The following TUBGCP3 variants were observed in gnomAD, a reference collection of about 807,000 sequenced individuals.
TUBGCP3 encodes gamma-tubulin complex component 3.
In TUBGCP3, 50 loss-of-function variants were observed where a neutral mutation model predicts 123.1. The observed-to-expected ratio is 0.41, with a 90% confidence interval of 0.32 to 0.51. The LOEUF (loss-of-function observed/expected upper bound fraction) is 0.51, where lower values mean the gene tolerates loss of function less well. TUBGCP3 is among the 20% of genes least tolerant of loss of function. The pLI is 0.36. For synonymous variants in TUBGCP3, 405 were observed against 413.9 expected (o/e 0.98, Z 0.26); for missense variants, 882 against 1,127.0 (o/e 0.78, Z 3.11).
chr13:112,598,984 G>T, the TUBGCP3 span, among the ~76,000 whole-genome samples: 1 of 145,144 alleles, frequency 6.9e-6, no homozygotes, highest in South Asian at 2.2e-4. Context: ...GACAATAAAA[G>T]GTTTCTATAA....
chr13:112,568,133 A>C (rs2139270809), intron 2 of TUBGCP3, among the ~76,000 whole-genome samples: 1 of 151,602 alleles, frequency 6.6e-6, no homozygotes, highest in South Asian at 2.1e-4. Flanking sequence ...AGGTGTTATC[A>C]CTAAGACCCA....
intron 20 of TUBGCP3, among the ~76,000 whole-genome samples, chr13:112,492,562 A>G (rs1231551984): frequency 6.7e-6 from 1 of 149,584 alleles, no homozygotes; most frequent in East Asian, 1.9e-4. Flanking sequence ...TGGCTATGGG[A>G]ACAGGGCCTG....
intron 11 of TUBGCP3, among the ~76,000 whole-genome samples, chr13:112,531,396 C>T (rs1272015366): frequency 1.3e-5 from 2 of 152,228 alleles, no homozygotes; most frequent in African/African-American, 2.4e-5. Flanking sequence ...ATCGACTTAA[C>T]CTAGACTTCA....
intron 13 of TUBGCP3, among the ~76,000 whole-genome samples, chr13:112,523,355 A>G (rs970843976): frequency 6.6e-6 from 1 of 152,232 alleles, no homozygotes; most frequent in Non-Finnish European, 1.5e-5. Context: ...GTTTAAATAT[A>G]CCAGAAGACT....
chr13:112,539,497 A>G (rs1038875032), intron 11 of TUBGCP3, among the ~76,000 whole-genome samples: 1 of 152,270 alleles, frequency 6.6e-6, no homozygotes, highest in Non-Finnish European at 1.5e-5. Context: ...TAGCTCCATC[A>G]ATCACAATGC....
Position 112,519,936 on chromosome 13 carries a change from G to C in TUBGCP3, c.1831C>G (p.Gln611Glu), listed in dbSNP as rs960046101. 4.3e-6 allele frequency: 7 copies of C among 1,614,022 alleles called. No homozygotes were observed. The highest frequency in any genetic ancestry group is 2.7e-5 in the African/African-American group (2 of 75,046). The change falls in exon 15 of 22, where the codon CAG becomes GAG. Residue 611 changes from glutamine to glutamate, a missense_variant. Around this residue, in one of 3 missense-constraint regions of TUBGCP3, gnomAD observed 713 missense variants for 874.0 expected, o/e 0.82. Coordinates refer to ENST00000261965, the MANE Select transcript of TUBGCP3 (RefSeq NM_006322.6). The surrounding 1 kb of genome is among the most constrained non-coding windows in gnomAD (Gnocchi z 6.2). ...LETAVRATNA[Q>E]FDSPEILRRL... ...CGCAGGATCTCAGGACTGTCAAACT[G>C]TGCGTTGGTGGCTCTGACAGCGGTT... is the stretch of plus-strand genomic sequence containing the variant.
chr13:112,547,439 G>A (rs1879106258), intron 10 of TUBGCP3, 181 bp downstream of exon 10: 3 of 1,073,962 alleles, frequency 2.8e-6, no homozygotes, highest in South Asian at 7.4e-5. Flanking sequence ...AAACGGGCAG[G>A]ACACAAAAGC....
intron 8 of TUBGCP3, among the ~76,000 whole-genome samples, chr13:112,551,126 G>A (rs2139195887): frequency 6.6e-6 from 1 of 152,152 alleles, no homozygotes; most frequent in Non-Finnish European, 1.5e-5. Context: ...AACAAAACCT[G>A]CTGAAATAAT....
At chr13:112,585,217 A>G (rs1000239418) in intron 1 of TUBGCP3, among the ~76,000 whole-genome samples, 3 of 152,256 alleles carry the variant, frequency 2.0e-5, no homozygotes, top group African/African-American at 7.2e-5. Context: ...TTAATCAAAT[A>G]TTCTATGGAG....
chr13:112,508,328 A>G lies in TUBGCP3; in HGVS notation c.2087-3614T>C, dbSNP rs988104383. On this transcript the variant is annotated intron_variant, in intron 17 of 21. Coordinates refer to ENST00000261965, the MANE Select transcript of TUBGCP3 (RefSeq NM_006322.6). The surrounding 1 kb of genome is among the most constrained non-coding windows in gnomAD (Gnocchi z 4.2). ...ATATCGGCATCTCAAACAGCCTTCC[A>G]ACAAACAAAGCGTCTAACTTCGTTA... Among the ~76,000 whole-genome samples, 1 of 152,196 alleles carries G rather than the reference A, an allele frequency of 6.6e-6. No homozygotes were observed. Among genetic ancestry groups the G allele is most frequent in the Non-Finnish European group, 1.5e-5 (1 of 68,032 alleles).
At chr13:112,546,420 A>G (rs1294142425) in intron 10 of TUBGCP3, 2 of 152,940 alleles carry the variant, frequency 1.3e-5, no homozygotes, top group African/African-American at 4.8e-5. Context: ...ACTACACAGT[A>G]TGAAGGACTG....
At chr13:112,521,595 T>C (rs749259988) in intron 14 of TUBGCP3, 36 of 911,808 alleles carry the variant, frequency 3.9e-5, no homozygotes, top group South Asian at 1.0e-4. Context: ...AAACAATTGC[T>C]TGGGGAGCAC....
intron 8 of TUBGCP3, among the ~76,000 whole-genome samples, chr13:112,553,321 G>A (rs72656182): frequency 0.16 from 23,916 of 152,166 alleles, 2,111 homozygotes; most frequent in Non-Finnish European, 0.21. Flanking sequence ...CACCAGCTAC[G>A]CTGCCATAAG....
chr13:112,504,731 G>A lies in TUBGCP3; in HGVS notation c.2087-17C>T. The A allele has an allele frequency of 6.2e-7, 1 of 1,606,480 alleles. No individual in the cohort carries two copies. Among genetic ancestry groups the A allele is most frequent in the Non-Finnish European group, 8.5e-7 (1 of 1,173,726 alleles). On this transcript the variant is annotated splice_polypyrimidine_tract_variant and intron_variant, in intron 17 of 21. Transcript: ENST00000261965. ...CGGAGAACTCTGCAAGGGAAGAGTT[G>A]ACGTCAGAGGTGCAATGCAAGTACA...
chr13:112,562,702 C>T (rs1256881253), intron 3 of TUBGCP3, among the ~76,000 whole-genome samples: 1 of 152,172 alleles, frequency 6.6e-6, no homozygotes, highest in African/African-American at 2.4e-5. Flanking sequence ...TGCTTTTAAC[C>T]ACCCGAAATC....
At chr13:112,584,673 C>T (rs1051078808) in intron 1 of TUBGCP3, among the ~76,000 whole-genome samples, 12 of 152,186 alleles carry the variant, frequency 7.9e-5, no homozygotes, top group Admixed American at 7.8e-4. Context: ...GTAGTCATAC[C>T]TGAACATTTA....
Position 112,508,348 on chromosome 13 carries a change from T to C in TUBGCP3, c.2087-3634A>G, listed in dbSNP as rs1005202331. Among the ~76,000 whole-genome samples the C allele has an allele frequency of 6.6e-6, 1 of 152,170 alleles. No individual in the cohort carries two copies. The highest frequency in any genetic ancestry group is 2.4e-5 in the African/African-American group (1 of 41,434). The stretch of plus-strand genomic sequence containing the variant: ...CTTCCAACAAACAAAGCGTCTAACT[T>C]CGTTAGAAGTTTTGACTTTGATTTT... On this transcript the variant is annotated intron_variant, in intron 17 of 21. Coordinates refer to ENST00000261965, the MANE Select transcript of TUBGCP3 (RefSeq NM_006322.6). This position sits in a 1 kb window ranked among gnomAD's most constrained non-coding sequence, Gnocchi z 4.2.
At position 112,516,416 on chromosome 13, in the gene TUBGCP3, C is replaced by T. The variant is rs1229079947; in HGVS notation, c.2086+24G>A. 6 of 1,571,436 alleles carry T rather than the reference C, an allele frequency of 3.8e-6. No homozygotes were observed. In the East Asian group the frequency reaches 7.0e-5, roughly 18 times the overall value. On this transcript the variant is annotated intron_variant, in intron 17 of 21. Transcript: ENST00000261965. ...GGAGGCCGCTGGGAGTGTGTGCGGA[C>T]CCGTGACCGTGCTGGGGGCTCACCT...
chr13:112,597,409 A>G, the TUBGCP3 span, among the ~76,000 whole-genome samples: 1 of 152,254 alleles, frequency 6.6e-6, no homozygotes, highest in Non-Finnish European at 1.5e-5. Context: ...TTCTAGCCTC[A>G]AAGTACCTCT....
Sources: gnomAD v4.1 joint callset for allele counts (sites outside exome capture counted in the v4.1 genomes callset) on GRCh38, gnomAD v4.1.1 for gene constraint, gnomAD v4.1.1 regional missense constraint, Gnocchi (gnomAD v3.1) non-coding constraint, MANE v1.5 for transcripts, NCBI Gene and HGNC (gene_info 2026-07-23, HGNC 2026-07-21) for gene names.